The following HNF1A variants were observed in gnomAD, a reference collection of about 807,000 sequenced individuals.
HNF1A encodes the protein HNF1 homeobox A, also known as hepatocyte nuclear factor 1-alpha.
HNF1A carries 21 observed loss-of-function variants against 62.2 expected under a neutral mutation model. The observed-to-expected ratio is 0.34, with a 90% CI of 0.24 to 0.49. HNF1A has a LOEUF of 0.49. Among genes scored for constraint, HNF1A ranks in the 20% least tolerant of loss-of-function variants. HNF1A has a pLI of 0.99. For synonymous variants in HNF1A, 374 were observed against 366.8 expected, an observed-to-expected ratio of 1.02 and a Z score of -0.22; for missense variants, 687 against 832.3, an observed-to-expected ratio of 0.83 and a Z score of 2.15.
intron 1 of HNF1A, among the ~76,000 whole-genome samples, chr12:120,984,945 CTT>C (rs34738791): frequency 1.5e-4 from 20 of 130,620 alleles, no homozygotes; most frequent in Admixed American, 2.4e-4. Context: ...AGTTCTCAGA[CTT>C]TTTTTTTTTT....
At chr12:120,990,525 C>T (rs1165931412) in intron 2 of HNF1A, among the ~76,000 whole-genome samples, 1 of 151,866 alleles carries the variant, frequency 6.6e-6, no homozygotes, top group East Asian at 1.9e-4. Context: ...ACTGTTTGAG[C>T]CCCCAGGGGT....
At chr12:120,998,691 C>A (rs902267377) in intron 7 of HNF1A, among the ~76,000 whole-genome samples, 2 of 151,984 alleles carry the variant, frequency 1.3e-5, no homozygotes, top group African/African-American at 2.4e-5. Context: ...TATGTGTCTC[C>A]TGAGGGGTGG....
chr12:120,978,919 G>T lies in HNF1A; in HGVS notation c.151G>T (p.Gly51Cys). Reference protein sequence around the residue: ...EGPLDKGESCGGGRGELAELP... With the variant: ...EGPLDKGESCCGGRGELAELP... Reference sequence around the variant, plus strand: ...CCCCCTGGACAAGGGGGAGTCCTGCGGCGGCGGTCGAGGGGAGCTGGCTGA... The same window carrying T: ...CCCCCTGGACAAGGGGGAGTCCTGCTGCGGCGGTCGAGGGGAGCTGGCTGA... Residue 51 changes from glycine (G) to cysteine (C), a missense_variant, in exon 1 of 10, where the codon GGC becomes TGC. Coordinates refer to ENST00000257555, the MANE Select transcript of HNF1A (RefSeq NM_000545.8). 6.2e-7 allele frequency: 1 copy of T among 1,611,588 alleles called. No homozygotes were observed. Among genetic ancestry groups the T allele is most frequent in the Non-Finnish European group, 8.5e-7 (1 of 1,179,000 alleles).
At chr12:120,998,038 G>A (rs1329925637) in intron 7 of HNF1A, 5 of 504,960 alleles carry the variant, frequency 9.9e-6, no homozygotes, top group African/African-American at 9.6e-5. Context: ...CCAGCACTTT[G>A]GAAGGCCGAG....
chr12:120,997,305 G>T, intron 6 of HNF1A, 169 bp from the exon 7 acceptor site: 1 of 1,384,820 alleles, frequency 7.2e-7, no homozygotes, highest in Non-Finnish European at 9.5e-7. Flanking sequence ...TGACTTGCCA[G>T]AGCCACTTAA....
chr12:120,993,780 T>A, intron 3 of HNF1A, 74 bp downstream of exon 3: 1 of 1,484,570 alleles, frequency 6.7e-7, no homozygotes, highest in Non-Finnish European at 9.3e-7. Context: ...AAGGTGACTC[T>A]AGGTCCTGTA....
rs767758943 is a variant in HNF1A, at chr12:120,999,341, C to T, written c.1575C>T (p.Thr525=). ...TGLLPQTMLI[T]DTTNLSALAS... ...TGCTCCCGCAGACTATGCTCATCAC[C>T]GACACCACCAACCTGAGCGCCCTGG... Residue 525 remains threonine, a synonymous_variant, in exon 8 of 10, where the codon ACC becomes ACT. Coordinates refer to ENST00000257555, the MANE Select transcript of HNF1A (RefSeq NM_000545.8). 1.5e-5 allele frequency: 24 copies of T among 1,613,932 alleles called. No individual in the cohort carries two copies. The highest frequency in any genetic ancestry group is 1.0e-4 in the Admixed American group (6 of 60,008).
At position 120,987,804 on chromosome 12, in the gene HNF1A, ATCT is replaced by A. The variant is rs1876595676; in HGVS notation, c.327-1028_327-1026del. Reference sequence around the variant, plus strand: ...TATCTATCTATCTATCTATCTATCTATCTATCTACGTGTTTGCACCCTAATCAC... The same window carrying A: ...TATCTATCTATCTATCTATCTATCTAATCTACGTGTTTGCACCCTAATCAC... On this transcript the variant is annotated intron_variant, in intron 1 of 9. Coordinates refer to ENST00000257555, the MANE Select transcript of HNF1A (RefSeq NM_000545.8). Among the ~76,000 whole-genome samples, 3 of 150,868 alleles carry A rather than the reference ATCT, an allele frequency of 2.0e-5. No individual in the cohort carries two copies. The South Asian group carries it at 6.3e-4, about 31-fold the overall frequency.
chr12:120,993,037 C>T (rs1278471544), intron 2 of HNF1A, among the ~76,000 whole-genome samples: 3 of 152,186 alleles, frequency 2.0e-5, no homozygotes, highest in Non-Finnish European at 4.4e-5. Context: ...GTCTCTTCCT[C>T]TAGCTAACAT....
rs1232614121 is a variant in HNF1A, at chr12:121,001,548, G to A, written c.*356G>A. ...CAGCCTGGGCCTATGGAGAGCCCTG[G>A]GACCGCTACACCACTCTGGCAGCCA... On this transcript the variant is annotated 3_prime_UTR_variant, in exon 10 of 10. Coordinates refer to ENST00000257555, the MANE Select transcript of HNF1A (RefSeq NM_000545.8). The A allele has an allele frequency of 6.7e-6, 3 of 445,368 alleles. No individual in the cohort carries two copies. Among genetic ancestry groups the A allele is most frequent in the Non-Finnish European group, 1.3e-5 (3 of 235,658 alleles). The allele number at this position is 445,368 out of a possible 1,614,324, so 27.6% of individuals were successfully genotyped here.
intron 1 of HNF1A, among the ~76,000 whole-genome samples, chr12:120,986,410 T>G (rs572643567): frequency 6.6e-6 from 1 of 152,350 alleles, no homozygotes; most frequent in East Asian, 1.9e-4. Context: ...TGCCTTCTAC[T>G]TGTGCCATTT....
At position 120,994,305 on chromosome 12, in the gene HNF1A, G is replaced by A. The variant is rs780877271; in HGVS notation, c.855G>A (p.Thr285=). ...TCCGGCACAAGCTGGCCATGGACAC[G>A]TACAGCGGGCCCCCCCCAGGGCCAG... ...EAFRHKLAMD[T]YSGPPPGPGP... Residue 285 remains threonine, a synonymous_variant, in exon 4 of 10, where the codon ACG becomes ACA. Coordinates refer to ENST00000257555, the MANE Select transcript of HNF1A (RefSeq NM_000545.8). The A allele has an allele frequency of 3.0e-5, 49 of 1,611,968 alleles. No homozygotes were observed. The highest frequency in any genetic ancestry group is 2.9e-4 in the East Asian group (13 of 44,870).
In HNF1A at chr12:120,988,787, G is replaced by C. The variant is rs201087960; in HGVS notation, c.327-46G>C. ...CCAGGACCGCAGCCCCACCTATGGG[G>C]AGAGACAGCCCTTGCTGAGCAGATC... is the stretch of plus-strand genomic sequence containing the variant. On this transcript the variant is annotated intron_variant, in intron 1 of 9. Coordinates refer to ENST00000257555, the MANE Select transcript of HNF1A (RefSeq NM_000545.8). 236 of 1,587,334 alleles carry C rather than the reference G, an allele frequency of 1.5e-4. No homozygotes were observed. The African/African-American group carries it at 2.8e-3, about 19-fold the overall frequency.
chr12:121,000,085 T>C (rs778968152), intron 9 of HNF1A, among the ~76,000 whole-genome samples: 9 of 152,302 alleles, frequency 5.9e-5, no homozygotes, highest in Non-Finnish European at 1.3e-4. Flanking sequence ...CATATAACAG[T>C]GCACCAGGCC....
In HNF1A at chr12:121,001,439, G is replaced by T; in HGVS notation, c.*247G>T. The T allele has an allele frequency of 1.8e-6, 1 of 549,050 alleles. No homozygotes were observed. Among genetic ancestry groups the T allele is most frequent in the Non-Finnish European group, 3.3e-6 (1 of 303,638 alleles). The allele number at this position is 549,050 out of a possible 1,614,324, so 34.0% of individuals were successfully genotyped here. A position where few individuals can be genotyped will look rare whatever the true frequency, so the allele number is the denominator to read the frequency against. On this transcript the variant is annotated 3_prime_UTR_variant, in exon 10 of 10. Transcript: ENST00000257555. ...CTAGGAGCAAAGCCTGTTCATGGCA[G>T]ATGTAGGAGGGACTGTCGCTGCTTC...
In HNF1A at chr12:120,999,615, G is replaced by A. The variant is rs373857078; in HGVS notation, c.1756G>A (p.Ala586Thr). 4.0e-5 allele frequency: 65 copies of A among 1,610,644 alleles called. No individual in the cohort carries two copies. In the African/African-American group the frequency reaches 4.9e-4, roughly 12 times the overall value. Residue 586 changes from alanine to threonine, a missense_variant, in exon 9 of 10, where the codon GCC (alanine) becomes ACC (threonine). This residue lies in a region of HNF1A where 408 missense variants were observed against 455.3 expected (regional missense o/e 0.90). Transcript: ENST00000257555. The stretch of plus-strand genomic sequence containing the variant: ...CCTGCAGCCGGCCCACCGGCTCAGC[G>A]CCAGCCCCACAGGTGAGAGGCCCTG... ...QHLQPAHRLS[A>T]SPTVSSSSLV...
In HNF1A at chr12:120,996,279, C is replaced by T. The variant is rs540822352; in HGVS notation, c.973C>T (p.Pro325Ser). 6.2e-7 allele frequency: 1 copy of T among 1,614,112 alleles called. No homozygotes were observed. The highest frequency in any genetic ancestry group is 2.2e-5 in the East Asian group (1 of 44,878). Residue 325 changes from proline to serine, a missense_variant, in exon 5 of 10, where the codon CCT becomes TCT. This residue lies in a region of HNF1A where 408 missense variants were observed against 455.3 expected (regional missense o/e 0.90). Coordinates refer to ENST00000257555, the MANE Select transcript of HNF1A (RefSeq NM_000545.8). This position sits in a 1 kb window ranked among gnomAD's most constrained non-coding sequence, Gnocchi z 4.5. ...CTCTCCAGGTGTGCGCTATGGACAG[C>T]CTGCGACCAGTGAGACTGCAGAAGT... Reference protein sequence around the residue: ...SKVHGVRYGQPATSETAEVPS... With the variant: ...SKVHGVRYGQSATSETAEVPS...
rs1039818571 is a variant in HNF1A, at chr12:120,983,792, C to T, written c.326+4698C>T. On this transcript the variant is annotated intron_variant, in intron 1 of 9. Coordinates refer to ENST00000257555, the MANE Select transcript of HNF1A (RefSeq NM_000545.8). Reference sequence around the variant, plus strand: ...AACTCCTGACCTCATGTGATCCACCCGCCTCGGCCTCCCAAAGTGTGGGGA... The same window carrying T: ...AACTCCTGACCTCATGTGATCCACCTGCCTCGGCCTCCCAAAGTGTGGGGA... 6.6e-5 allele frequency among the ~76,000 whole-genome samples: 10 copies of T among 152,004 alleles called. 1 individual carries two copies. The highest frequency in any genetic ancestry group is 1.4e-4 in the African/African-American group (6 of 41,380).
At position 120,997,685 on chromosome 12, in the gene HNF1A, C is replaced by T. The variant is rs769523096; in HGVS notation, c.1501+20C>T. 1 of 1,599,830 alleles carries T rather than the reference C, an allele frequency of 6.3e-7. No individual in the cohort carries two copies. The highest frequency in any genetic ancestry group is 8.5e-7 in the Non-Finnish European group (1 of 1,173,330). ...CCCACGGTGAGCGCCCTGTGCCCCACACAGCAGGAGATGATGATAGAGGTT... is the reference window on the plus strand; with the variant it reads ...CCCACGGTGAGCGCCCTGTGCCCCATACAGCAGGAGATGATGATAGAGGTT... On this transcript the variant is annotated intron_variant, in intron 7 of 9. Transcript: ENST00000257555.
Sources: allele counts gnomAD v4.1 joint callset (sites outside exome capture counted in the v4.1 genomes callset), GRCh38; gene constraint gnomAD v4.1.1; regional missense constraint gnomAD v4.1.1; non-coding constraint Gnocchi (gnomAD v3.1); transcripts MANE v1.5; gene names NCBI Gene and HGNC (gene_info 2026-07-23, HGNC 2026-07-21).